The following SEMA5A variants were observed in gnomAD, a reference collection of about 807,000 sequenced individuals.
SEMA5A encodes the protein semaphorin 5A.
SEMA5A carries 55 observed loss-of-function variants against 135.5 expected under a neutral mutation model. The ratio of observed to expected loss-of-function variants is 0.41; its 90% CI spans 0.33 to 0.51. The LOEUF is 0.51. SEMA5A is among the 20% of genes least tolerant of loss of function. The pLI is 0.37. For synonymous variants in SEMA5A, 580 were observed against 546.5 expected, an observed-to-expected ratio of 1.06 and a Z score of -0.85; for missense variants, 1,290 against 1,419.9, an observed-to-expected ratio of 0.91 and a Z score of 1.47.
intron 5 of SEMA5A, among the ~76,000 whole-genome samples, chr5:9,288,631 A>G (rs1164930870): frequency 6.6e-6 from 1 of 152,256 alleles, no homozygotes; most frequent in African/African-American, 2.4e-5. Flanking sequence ...TACAGTGTTT[A>G]TATTTCTAGC....
intron 3 of SEMA5A, among the ~76,000 whole-genome samples, chr5:9,345,060 C>T (rs144680514): frequency 8.9e-4 from 136 of 152,182 alleles, no homozygotes; most frequent in African/African-American, 3.1e-3. Context: ...CACCTAACAC[C>T]GGCATTTAGA....
intron 1 of SEMA5A, among the ~76,000 whole-genome samples, chr5:9,463,635 G>T (rs1278075086): frequency 6.6e-6 from 1 of 152,112 alleles, no homozygotes; most frequent in African/African-American, 2.4e-5. Context: ...TTCAGCAGGT[G>T]CTCCAAGCCA....
chr5:9,370,176 A>G (rs1021193715), intron 3 of SEMA5A, among the ~76,000 whole-genome samples: 6 of 152,244 alleles, frequency 3.9e-5, no homozygotes, highest in African/African-American at 1.4e-4. Context: ...TGAGTGGCAC[A>G]AAAAATCAAA....
intron 1 of SEMA5A, among the ~76,000 whole-genome samples, chr5:9,461,397 C>T (rs374541759): frequency 6.6e-6 from 1 of 152,166 alleles, no homozygotes; most frequent in Non-Finnish European, 1.5e-5. Flanking sequence ...ACAGCAATAG[C>T]AGTCAGCTGC....
chr5:9,104,733 C>T (rs924635354), intron 16 of SEMA5A, among the ~76,000 whole-genome samples: 6 of 152,212 alleles, frequency 3.9e-5, no homozygotes, highest in African/African-American at 1.4e-4. Flanking sequence ...CACCACCCTG[C>T]TCCTTCCACC....
intron 8 of SEMA5A, among the ~76,000 whole-genome samples, chr5:9,206,576 G>A (rs1746030055): frequency 6.6e-6 from 1 of 151,982 alleles, no homozygotes; most frequent in African/African-American, 2.4e-5. Flanking sequence ...CAATATGGGG[G>A]TACACCATAT....
chr5:9,508,771 T>C (rs1190731482), intron 1 of SEMA5A, among the ~76,000 whole-genome samples: 2 of 152,194 alleles, frequency 1.3e-5, no homozygotes, highest in South Asian at 2.1e-4. Flanking sequence ...ACTGTAGTCA[T>C]GTTGCAACTA....
intron 5 of SEMA5A, among the ~76,000 whole-genome samples, chr5:9,296,970 A>G (rs574910893): frequency 6.6e-5 from 10 of 151,576 alleles, no homozygotes; most frequent in African/African-American, 7.3e-5. Context: ...CTGAGTTACT[A>G]TGGGCGGAAA....
chr5:9,336,573 C>A (rs565026021), intron 4 of SEMA5A, among the ~76,000 whole-genome samples: 147 of 152,254 alleles, frequency 9.7e-4, no homozygotes, highest in Non-Finnish European at 1.9e-3. Context: ...CCATACTCAC[C>A]GCCTCCTCAC....
At chr5:9,353,332 GGAAAT>G (rs1318857927) in intron 3 of SEMA5A, among the ~76,000 whole-genome samples, 47 of 123,582 alleles carry the variant, frequency 3.8e-4, no homozygotes, top group Non-Finnish European at 5.5e-4. Flanking sequence ...GGAAAGGAAA[GGAAAT>G]GAAAGGAAAG....
At chr5:9,061,991 A>G (rs896620227) in intron 18 of SEMA5A, among the ~76,000 whole-genome samples, 3 of 152,106 alleles carry the variant, frequency 2.0e-5, no homozygotes, top group Non-Finnish European at 4.4e-5. Context: ...TCAGTGGCCC[A>G]GGAAGGGATC....
intron 16 of SEMA5A, among the ~76,000 whole-genome samples, chr5:9,075,136 A>G (rs1173655517): frequency 6.6e-6 from 1 of 152,248 alleles, no homozygotes; most frequent in Non-Finnish European, 1.5e-5. Context: ...AAAGTTGAGT[A>G]TTTCTAAGTA....
chr5:9,544,701 T>C (rs999502518), intron 1 of SEMA5A, among the ~76,000 whole-genome samples: 6 of 152,030 alleles, frequency 3.9e-5, no homozygotes, highest in African/African-American at 1.2e-4. Flanking sequence ...AAATCCCAAC[T>C]CCGGCCGCGG....
chr5:9,107,058 G>T (rs1170910809), intron 16 of SEMA5A, among the ~76,000 whole-genome samples: 1 of 152,206 alleles, frequency 6.6e-6, no homozygotes, highest in Non-Finnish European at 1.5e-5. Context: ...AGGCTTTACA[G>T]CAGCACAAAA....
At chr5:9,201,248 G>A (rs1745687793) in intron 9 of SEMA5A, among the ~76,000 whole-genome samples, 1 of 152,022 alleles carries the variant, frequency 6.6e-6, no homozygotes, top group African/African-American at 2.4e-5. Flanking sequence ...TACCAGCTAA[G>A]GATAGGAAAT....
chr5:9,038,399 C>T lies in SEMA5A; in HGVS notation c.*4498G>A, dbSNP rs1465332999. ...AATGCTGAGGTCAATGGAGTTACCC[C>T]CAATGACACACACAAGAAAACCCCA... On this transcript the variant is annotated 3_prime_UTR_variant, in exon 23 of 23. Coordinates refer to ENST00000382496, the MANE Select transcript of SEMA5A (RefSeq NM_003966.3). 1 of 152,086 alleles carries T rather than the reference C, an allele frequency of 6.6e-6. No individual in the cohort carries two copies. The highest frequency in any genetic ancestry group is 1.5e-5 in the Non-Finnish European group (1 of 68,042). 9.4% of individuals were successfully genotyped at this position (152,086 alleles called of 1,614,324 possible).
chr5:9,076,891 T>TGTGTG (rs1290013862), intron 16 of SEMA5A, among the ~76,000 whole-genome samples: 1 of 151,862 alleles, frequency 6.6e-6, no homozygotes, highest in Non-Finnish European at 1.5e-5. Flanking sequence ...TGTGTGTGTG[T>TGTGTG]GTGTGTGTGT....
At chr5:9,460,938 A>C (rs1366148680) in intron 1 of SEMA5A, among the ~76,000 whole-genome samples, 1 of 152,210 alleles carries the variant, frequency 6.6e-6, no homozygotes, top group African/African-American at 2.4e-5. Context: ...TATGAAGAGT[A>C]AGCTGACAAT....
intron 7 of SEMA5A, 49 bp downstream of exon 7, chr5:9,226,820 T>C (rs1490297333): frequency 7.2e-7 from 1 of 1,396,232 alleles, no homozygotes; most frequent in East Asian, 2.4e-5. Flanking sequence ...ACACAATGTT[T>C]TGCCTCTTCT....
Sources: gnomAD v4.1 joint callset for allele counts (sites outside exome capture counted in the v4.1 genomes callset) on GRCh38, gnomAD v4.1.1 for gene constraint, MANE v1.5 for transcripts, NCBI Gene and HGNC (gene_info 2026-07-23, HGNC 2026-07-21) for gene names.